UMAD1: variants seen among roughly 807,000 people sequenced by gnomAD.
UMAD1 encodes UBAP1-MVB12-associated (UMA)-domain containing protein 1.
A neutral mutation model predicts 6.1 loss-of-function variants in UMAD1; 8 were observed. The observed-to-expected ratio is 1.30, with a 90% CI of 0.76 to 2.35. The LOEUF (loss-of-function observed/expected upper bound fraction) is 2.35. Ranked by LOEUF, UMAD1 falls within the 30% of genes most tolerant of loss-of-function variation. UMAD1 has a pLI of 0.00. For synonymous variants in UMAD1, 56 were observed against 31.4 expected (o/e 1.78, Z -2.61); for missense variants, 130 against 78.4 (o/e 1.66, Z -2.49).
intron 2 of UMAD1, among the ~76,000 whole-genome samples, chr7:7,778,275 T>TGTGTGTGTGTGAGA (rs1271237125): frequency 2.3e-4 from 26 of 110,646 alleles, no homozygotes; most frequent in Admixed American, 1.0e-3. Context: ...TGTGTGTGTG[T>TGTGTGTGTGTGAGA]GAGAGAGAGA....
chr7:7,847,377 A>G (rs1334002286), intron 3 of UMAD1, among the ~76,000 whole-genome samples: 1 of 151,566 alleles, frequency 6.6e-6, no homozygotes, highest in South Asian at 2.1e-4. Flanking sequence ...TAGGAATGAC[A>G]GTATTGTCAT....
At chr7:7,727,662 T>C (rs1781166678) in intron 2 of UMAD1, among the ~76,000 whole-genome samples, 1 of 152,164 alleles carries the variant, frequency 6.6e-6, no homozygotes, top group South Asian at 2.1e-4. Context: ...ATCAACTGTT[T>C]GCTTGGCCAG....
At chr7:7,687,548 G>A (rs890910958) in intron 2 of UMAD1, among the ~76,000 whole-genome samples, 1 of 152,180 alleles carries the variant, frequency 6.6e-6, no homozygotes, top group African/African-American at 2.4e-5. Context: ...GCCGATCTAT[G>A]CTTATATGAT....
rs368053212 is a variant in UMAD1 at position 7,809,423 on chromosome 7, T to C, written c.156+7680T>C. Among the ~76,000 whole-genome samples, 96 of 152,124 alleles carry C rather than the reference T, an allele frequency of 6.3e-4. 1 individual carries two copies. The highest frequency in any genetic ancestry group is 2.3e-3 in the African/African-American group (95 of 41,568). On this transcript the variant is annotated intron_variant, in intron 3 of 3. Coordinates refer to ENST00000682710, the MANE Select transcript of UMAD1 (RefSeq NM_001302348.2). Reference sequence around the variant, plus strand: ...TCTTTTTAAAAACTTTTATTTTTAATGGACAAGTAATAATTGCATGTATTT... The same window carrying C: ...TCTTTTTAAAAACTTTTATTTTTAACGGACAAGTAATAATTGCATGTATTT...
chr7:7,853,143 T>C (rs1444263506), intron 3 of UMAD1, among the ~76,000 whole-genome samples: 1 of 152,198 alleles, frequency 6.6e-6, no homozygotes, highest in Non-Finnish European at 1.5e-5. Context: ...TATATATGTA[T>C]ATCATAATAT....
intron 2 of UMAD1, among the ~76,000 whole-genome samples, chr7:7,708,249 A>G (rs766293854): frequency 6.6e-6 from 1 of 152,222 alleles, no homozygotes; most frequent in Non-Finnish European, 1.5e-5. Flanking sequence ...GGAATTAAGA[A>G]TAAAATGAAT....
At chr7:7,670,609 G>C (rs759761124) in intron 1 of UMAD1, among the ~76,000 whole-genome samples, 1 of 152,168 alleles carries the variant, frequency 6.6e-6, no homozygotes, top group Non-Finnish European at 1.5e-5. Context: ...GCCCCATTCA[G>C]ATATAGCATC....
At chr7:7,727,069 A>C (rs7798802) in intron 2 of UMAD1, among the ~76,000 whole-genome samples, 20,126 of 152,156 alleles carry the variant, frequency 0.13, 1,540 homozygotes, top group African/African-American at 0.22. Context: ...CTGGAAAAAA[A>C]CCCATGACCT....
At chr7:7,702,750 T>G (rs1780491388) in intron 2 of UMAD1, among the ~76,000 whole-genome samples, 1 of 152,202 alleles carries the variant, frequency 6.6e-6, no homozygotes, top group Non-Finnish European at 1.5e-5. Context: ...TGAGTAAAAT[T>G]TGACAAGCCA....
intron 2 of UMAD1, among the ~76,000 whole-genome samples, chr7:7,716,496 G>A (rs1780907868): frequency 6.6e-6 from 1 of 152,194 alleles, no homozygotes; most frequent in Non-Finnish European, 1.5e-5. Context: ...GTGAATGCTG[G>A]TAGCTGTGCC....
At chr7:7,777,516 A>AAAAG (rs200071086) in intron 2 of UMAD1, among the ~76,000 whole-genome samples, 3 of 116,800 alleles carry the variant, frequency 2.6e-5, no homozygotes, top group South Asian at 2.6e-4. Context: ...AAAAAAAAAA[A>AAAAG]AAAAAAAGAA....
intron 1 of UMAD1, among the ~76,000 whole-genome samples, chr7:7,649,426 A>C (rs994511256): frequency 6.6e-6 from 1 of 152,182 alleles, no homozygotes; most frequent in Non-Finnish European, 1.5e-5. Flanking sequence ...GAGCTCTCAT[A>C]ACCTGGTTAC....
chr7:7,777,574 A>AATAT (rs58039932), intron 2 of UMAD1, among the ~76,000 whole-genome samples: 4,019 of 113,420 alleles, frequency 0.035, 133 homozygotes, highest in South Asian at 0.069. Flanking sequence ...TACATGAGCA[A>AATAT]ATATATATAT....
intron 2 of UMAD1, among the ~76,000 whole-genome samples, chr7:7,777,333 T>C (rs983660338): frequency 4.6e-5 from 7 of 150,980 alleles, no homozygotes; most frequent in African/African-American, 7.3e-5. Flanking sequence ...GGTGAAACCC[T>C]ATCTCTACTA....
chr7:7,870,552 CT>C (rs1171212102), intron 3 of UMAD1, among the ~76,000 whole-genome samples: 1 of 152,182 alleles, frequency 6.6e-6, no homozygotes, highest in Non-Finnish European at 1.5e-5. Flanking sequence ...GACTTTGTGT[CT>C]AAGAGAAAGC....
intron 1 of UMAD1, among the ~76,000 whole-genome samples, chr7:7,655,531 A>G (rs1187315852): frequency 4.6e-5 from 7 of 152,190 alleles, no homozygotes; most frequent in Admixed American, 1.3e-4. Flanking sequence ...TTTGTAGCTC[A>G]CCATCTTCCA....
intron 2 of UMAD1, among the ~76,000 whole-genome samples, chr7:7,721,583 C>G (rs775041901): frequency 3.9e-5 from 6 of 152,192 alleles, no homozygotes; most frequent in Non-Finnish European, 7.3e-5. Context: ...TCAGCAGGAA[C>G]TGTCACTTTT....
At chr7:7,712,252 C>G (rs917725674) in intron 2 of UMAD1, among the ~76,000 whole-genome samples, 6 of 152,092 alleles carry the variant, frequency 3.9e-5, no homozygotes, top group African/African-American at 1.2e-4. Context: ...AACCTACCCA[C>G]TCTGATGTGA....
intron 2 of UMAD1, among the ~76,000 whole-genome samples, chr7:7,795,988 T>A (rs1400670360): frequency 6.6e-6 from 1 of 152,038 alleles, no homozygotes; most frequent in Admixed American, 6.6e-5. Context: ...ATCCAGATCC[T>A]ATTCAAGATA....
Sources: gnomAD v4.1 joint callset for allele counts (sites outside exome capture counted in the v4.1 genomes callset) on GRCh38, gnomAD v4.1.1 for gene constraint, MANE v1.5 for transcripts, NCBI Gene and HGNC (gene_info 2026-07-23, HGNC 2026-07-21) for gene names.